Variants in CEP43 observed in about 807,000 individuals in gnomAD.
CEP43 encodes the protein centrosomal protein 43.
CEP43 carries 36 observed loss-of-function variants against 52.6 expected under a neutral mutation model. That is an observed-to-expected ratio of 0.68 (90% CI 0.52 to 0.90). CEP43 has a LOEUF of 0.90. Among genes scored for constraint, CEP43 ranks in the 40% least tolerant of loss-of-function variants. The probability of loss-of-function intolerance (pLI) is 0.00; values close to 1 mark genes in which losing one functional copy is unlikely to be tolerated. For synonymous variants in CEP43, 192 were observed against 172.4 expected (o/e 1.11, Z -0.89); for missense variants, 506 against 472.8 (o/e 1.07, Z -0.65).
rs538606316 is a variant in CEP43 at position 167,036,812 on chromosome 6, T to C, written c.1125+2841T>C. 3.1e-6 allele frequency: 3 copies of C among 976,790 alleles called. No homozygotes were observed. The South Asian group carries it at 1.4e-4, about 46-fold the overall frequency. The allele number at this position is 976,790 out of a possible 1,614,324, so 60.5% of individuals were successfully genotyped here. On this transcript the variant is annotated intron_variant, in intron 12 of 12. Transcript: ENST00000366847. ...GCCTTTATTAGTTTTGTTTTTGTTT[T>C]TGTTTTTGTTTTTGAGACAGAGTCT...
intron 10 of CEP43, 81 bp from the exon 11 acceptor site, chr6:167,032,522 T>C: frequency 7.7e-7 from 1 of 1,299,120 alleles, no homozygotes; most frequent in Non-Finnish European, 1.0e-6. Flanking sequence ...ATAATTAATT[T>C]TTTTTAAGGA....
intron 10 of CEP43, chr6:167,028,325 T>A (rs1047702777): frequency 2.0e-6 from 2 of 985,286 alleles, no homozygotes; most frequent in Non-Finnish European, 2.4e-6. Context: ...GCAGAGTTGC[T>A]GGGTACAGGC....
intron 7 of CEP43, among the ~76,000 whole-genome samples, chr6:167,017,735 A>G (rs148094942): frequency 7.9e-4 from 120 of 152,050 alleles, no homozygotes; most frequent in Non-Finnish European, 1.6e-3. Context: ...TGAGTGTACT[A>G]TTGGATAATT....
chr6:167,026,529 A>C lies in CEP43; in HGVS notation c.920-18A>C, dbSNP rs780710798. On this transcript the variant is annotated intron_variant, in intron 9 of 12. Coordinates refer to ENST00000366847, the MANE Select transcript of CEP43 (RefSeq NM_007045.4). ...TATTCTAAGTCACTCTAATGTTAAT[A>C]TTTTCTCCTGTTCACAGGTAAAAGG... 1 of 1,509,394 alleles carries C rather than the reference A, an allele frequency of 6.6e-7. No individual in the cohort carries two copies. The highest frequency in any genetic ancestry group is 1.4e-5 in the African/African-American group (1 of 72,918). The allele number at this position is 1,509,394 out of a possible 1,614,324, so 93.5% of individuals were successfully genotyped here.
intron 6 of CEP43, among the ~76,000 whole-genome samples, 169 bp downstream of exon 6, chr6:167,011,062 G>A (rs73026222): frequency 0.019 from 2,953 of 151,726 alleles, 48 homozygotes; most frequent in East Asian, 0.091. Context: ...TAAAAAAAAA[G>A]TTTTGCTTTG....
At position 167,003,818 on chromosome 6, in the gene CEP43, A is replaced by G. The variant is rs1420778704; in HGVS notation, c.300+7A>G. 1 of 1,548,150 alleles carries G rather than the reference A, an allele frequency of 6.5e-7. No homozygotes were observed. Among genetic ancestry groups the G allele is most frequent in the Non-Finnish European group, 8.9e-7 (1 of 1,122,728 alleles). ...TCAACCTGAAACTAGCACAGTAAGA[A>G]TAATGATTTTTACATCTATCTTTTG... is the stretch of plus-strand genomic sequence containing the variant. On this transcript the variant is annotated splice_region_variant and intron_variant, in intron 4 of 12. Coordinates refer to ENST00000366847, the MANE Select transcript of CEP43 (RefSeq NM_007045.4).
intron 4 of CEP43, 55 bp downstream of exon 4, chr6:167,003,866 A>G: frequency 1.9e-6 from 2 of 1,045,590 alleles, no homozygotes; most frequent in Non-Finnish European, 2.9e-6. Flanking sequence ...CAAATGAGTT[A>G]ATATTAAGCT....
chr6:167,009,649 G>A lies in CEP43; in HGVS notation c.439-1164G>A, dbSNP rs926751951. On this transcript the variant is annotated intron_variant, in intron 5 of 12. Coordinates refer to ENST00000366847, the MANE Select transcript of CEP43 (RefSeq NM_007045.4). ...CATTGCACTCTAACCTGGACAACAAGAATGAAACTCCGTCTCAAAAAAAAA... is the reference window on the plus strand; with the variant it reads ...CATTGCACTCTAACCTGGACAACAAAAATGAAACTCCGTCTCAAAAAAAAA... Among the ~76,000 whole-genome samples, 4 of 127,650 alleles carry A rather than the reference G, an allele frequency of 3.1e-5. No homozygotes were observed. In the Admixed American group the frequency reaches 3.5e-4, roughly 11 times the overall value. 83.7% of individuals were successfully genotyped at this position (127,650 alleles called of 152,430 possible).
intron 7 of CEP43, among the ~76,000 whole-genome samples, chr6:167,017,438 C>T (rs568357846): frequency 2.0e-5 from 3 of 152,270 alleles, no homozygotes; most frequent in South Asian, 2.1e-4. Context: ...GCATTTTATA[C>T]GAGGGACTTG....
At chr6:167,025,941 C>T (rs1780345325) in intron 9 of CEP43, among the ~76,000 whole-genome samples, 2 of 152,276 alleles carry the variant, frequency 1.3e-5, no homozygotes, top group Non-Finnish European at 2.9e-5. Context: ...AAAAATAAGA[C>T]TCATGAAAAT....
At chr6:166,999,977 CGT>C in intron 1 of CEP43, 81 bp from the exon 2 acceptor site, 1 of 1,227,050 alleles carries the variant, frequency 8.1e-7, no homozygotes, top group Non-Finnish European at 1.2e-6. Context: ...TTGGCTTGCT[CGT>C]GTTTGTTGCT....
intron 2 of CEP43, 25 bp from the exon 3 acceptor site, chr6:167,003,168 A>C: frequency 9.3e-7 from 1 of 1,080,234 alleles, no homozygotes; most frequent in Non-Finnish European, 1.4e-6. Context: ...AACACATGAC[A>C]CTTAAATTTT....
At chr6:167,004,913 T>G (rs1263784475) in intron 5 of CEP43, among the ~76,000 whole-genome samples, 1 of 152,264 alleles carries the variant, frequency 6.6e-6, no homozygotes, top group Non-Finnish European at 1.5e-5. Context: ...TTTACGCTGT[T>G]TAGAAACAGT....
Position 167,042,692 on chromosome 6 carries a change from G to A in CEP43, c.*2714G>A, listed in dbSNP as rs1389147990. 1 of 152,236 alleles carries A rather than the reference G, an allele frequency of 6.6e-6. No homozygotes were observed. Among genetic ancestry groups the A allele is most frequent in the Admixed American group, 6.5e-5 (1 of 15,284 alleles). The allele number at this position is 152,236 out of a possible 1,614,324, so 9.4% of individuals were successfully genotyped here. ...TGAAGCTGGTTTATTTCAGTCTCAT[G>A]TTCAAAGACGCTTCCAGACCTAAGG... On this transcript the variant is annotated 3_prime_UTR_variant, in exon 13 of 13. Coordinates refer to ENST00000366847, the MANE Select transcript of CEP43 (RefSeq NM_007045.4).
At chr6:167,021,826 T>C (rs1332942687) in intron 7 of CEP43, among the ~76,000 whole-genome samples, 1 of 152,206 alleles carries the variant, frequency 6.6e-6, no homozygotes, top group Non-Finnish European at 1.5e-5. Flanking sequence ...CAAAGGTTTA[T>C]GTTAGAAATA....
Position 167,047,662 on chromosome 6 carries a change from C to G in CEP43, c.*7684C>G, listed in dbSNP as rs945641308. 6.6e-6 allele frequency: 1 copy of G among 152,130 alleles called. No individual in the cohort carries two copies. Among genetic ancestry groups the G allele is most frequent in the Admixed American group, 6.5e-5 (1 of 15,280 alleles). 9.4% of individuals were successfully genotyped at this position (152,130 alleles called of 1,614,324 possible). ...TTCAGTTTCTGATGAATGTCTGTTC[C>G]CCTTTCAAAACCTAATTCAGATGTC... On this transcript the variant is annotated 3_prime_UTR_variant, in exon 13 of 13. Coordinates refer to ENST00000366847, the MANE Select transcript of CEP43 (RefSeq NM_007045.4).
At chr6:167,001,337 G>C (rs994817125) in intron 2 of CEP43, among the ~76,000 whole-genome samples, 1 of 151,962 alleles carries the variant, frequency 6.6e-6, no homozygotes, top group African/African-American at 2.4e-5. Flanking sequence ...CTTTTCTTTT[G>C]AGCTTGAAAA....
Position 167,036,267 on chromosome 6 carries a change from T to C in CEP43, c.1125+2296T>C, listed in dbSNP as rs1780583498. 1.6e-5 allele frequency: 16 copies of C among 985,394 alleles called. No homozygotes were observed. The South Asian group carries it at 7.0e-4, about 43-fold the overall frequency. 61.0% of individuals were successfully genotyped at this position (985,394 alleles called of 1,614,324 possible). A position where few individuals can be genotyped will look rare whatever the true frequency, so the allele number is the denominator to read the frequency against. Reference sequence around the variant, plus strand: ...CTGAGGAGGAACATGGTAAGCTCCATGAGAACAGAAGGGAGATCCCGGGAC... The same window carrying C: ...CTGAGGAGGAACATGGTAAGCTCCACGAGAACAGAAGGGAGATCCCGGGAC... On this transcript the variant is annotated intron_variant, in intron 12 of 12. Coordinates refer to ENST00000366847, the MANE Select transcript of CEP43 (RefSeq NM_007045.4).
At position 167,048,506 on chromosome 6, in the gene CEP43, A is replaced by T. The variant is rs1364173245; in HGVS notation, c.*8528A>T. ...CAGTGAACTGAGATTGCATCACTGC[A>T]CTACAGCCTGGGTGACAGAGTAAGA... On this transcript the variant is annotated 3_prime_UTR_variant, in exon 13 of 13. Coordinates refer to ENST00000366847, the MANE Select transcript of CEP43 (RefSeq NM_007045.4). 1 of 152,224 alleles carries T rather than the reference A, an allele frequency of 6.6e-6. No individual in the cohort carries two copies. Among genetic ancestry groups the T allele is most frequent in the East Asian group, 1.9e-4 (1 of 5,188 alleles). 9.4% of individuals were successfully genotyped at this position (152,224 alleles called of 1,614,324 possible).
Sources: gnomAD v4.1 joint callset for allele counts (sites outside exome capture counted in the v4.1 genomes callset) on GRCh38, gnomAD v4.1.1 for gene constraint, MANE v1.5 for transcripts, NCBI Gene and HGNC (gene_info 2026-07-23, HGNC 2026-07-21) for gene names.